Variants in FGFR1OP2 observed in about 807,000 individuals in gnomAD.
FGFR1OP2 encodes FGFR1 oncogene partner 2, also known as fibroblast growth factor receptor 1 oncogene partner 2.
FGFR1OP2 carries 17 observed loss-of-function variants against 35.2 expected under a neutral mutation model. The ratio of observed to expected loss-of-function variants is 0.48; its 90% confidence interval spans 0.33 to 0.73. FGFR1OP2 has a LOEUF of 0.73. FGFR1OP2 is among the 30% of genes least tolerant of loss of function. The pLI is 0.02. For missense variants in FGFR1OP2, 251 were observed against 307.3 expected, an observed-to-expected ratio of 0.82 and a Z score of 1.37; for synonymous variants, 105 against 104.6, an observed-to-expected ratio of 1.00 and a Z score of -0.03.
chr12:26,956,456 C>T (rs2136357165), intron 2 of FGFR1OP2, 87 bp from the exon 3 acceptor site: 1 of 273,766 alleles, frequency 3.7e-6, no homozygotes, highest in Non-Finnish European at 6.1e-6. Flanking sequence ...ATGTATATTT[C>T]AGATATATTT....
At chr12:26,952,402 C>G (rs1938947136) in intron 1 of FGFR1OP2, among the ~76,000 whole-genome samples, 1 of 151,930 alleles carries the variant, frequency 6.6e-6, no homozygotes, top group Non-Finnish European at 1.5e-5. Flanking sequence ...CTTTAATGGC[C>G]CTTTTACTCC....
At chr12:26,963,237 G>A in intron 5 of FGFR1OP2, 105 bp from the exon 6 acceptor site, 1 of 604,280 alleles carries the variant, frequency 1.7e-6, no homozygotes, top group Non-Finnish European at 2.9e-6. Flanking sequence ...AAGTGACAAT[G>A]TAAGAATATT....
Position 26,960,534 on chromosome 12 carries a change from A to G in FGFR1OP2, c.416A>G (p.Asn139Ser). Residue 139 changes from asparagine to serine, a missense_variant, in exon 5 of 7, where the codon AAC becomes AGC. Coordinates refer to ENST00000229395, the MANE Select transcript of FGFR1OP2 (RefSeq NM_015633.3). ...QHSKIDMVHRNKSEGFFLDAS... is the reference protein window; with the variant it reads ...QHSKIDMVHRSKSEGFFLDAS... ...CTACAGATTGACATGGTACATCGTA[A>G]CAAGTCCGAAGGATTCTTCCTTGAT... The G allele has an allele frequency of 4.3e-6, 7 of 1,613,084 alleles. No individual in the cohort carries two copies. The highest frequency in any genetic ancestry group is 5.9e-6 in the Non-Finnish European group (7 of 1,179,284).
chr12:26,947,422 T>G (rs1248401816), intron 1 of FGFR1OP2, among the ~76,000 whole-genome samples: 1 of 151,610 alleles, frequency 6.6e-6, no homozygotes, highest in Non-Finnish European at 1.5e-5. Context: ...TCCTTTTAAC[T>G]TTTTTTTTGG....
At chr12:26,942,499 C>T (rs764628108) in intron 1 of FGFR1OP2, among the ~76,000 whole-genome samples, 11 of 152,182 alleles carry the variant, frequency 7.2e-5, no homozygotes, top group Non-Finnish European at 1.6e-4. Flanking sequence ...CTCTAGGGTA[C>T]TCTAGAGATC....
intron 2 of FGFR1OP2, among the ~76,000 whole-genome samples, chr12:26,955,637 G>A (rs1441044235): frequency 1.3e-5 from 2 of 152,172 alleles, no homozygotes; most frequent in African/African-American, 4.8e-5. Context: ...CTATGTTATA[G>A]CATGTATCAG....
chr12:26,942,325 T>G (rs1196620230), intron 1 of FGFR1OP2, among the ~76,000 whole-genome samples: 3 of 152,104 alleles, frequency 2.0e-5, no homozygotes, highest in East Asian at 3.9e-4. Context: ...GCCACTCAGC[T>G]TTTTAGATTT....
intron 1 of FGFR1OP2, among the ~76,000 whole-genome samples, chr12:26,949,218 C>T (rs1415940954): frequency 6.6e-6 from 1 of 152,068 alleles, no homozygotes; most frequent in East Asian, 1.9e-4. Context: ...TCACTGCAAC[C>T]TCCACCTCCC....
intron 1 of FGFR1OP2, among the ~76,000 whole-genome samples, 182 bp from the exon 2 acceptor site, chr12:26,953,962 CT>C (rs1464995615): frequency 6.6e-6 from 1 of 152,138 alleles, no homozygotes; most frequent in African/African-American, 2.4e-5. Context: ...TATAAATTTA[CT>C]TTCAAGTTTG....
chr12:26,949,733 C>T (rs1371580955), intron 1 of FGFR1OP2, among the ~76,000 whole-genome samples: 2 of 151,818 alleles, frequency 1.3e-5, no homozygotes, highest in African/African-American at 2.4e-5. Context: ...CGCATGCCAC[C>T]ACACCCAGCT....
chr12:26,939,889 C>G (rs919033743), intron 1 of FGFR1OP2, among the ~76,000 whole-genome samples: 1 of 152,132 alleles, frequency 6.6e-6, no homozygotes, highest in Admixed American at 6.5e-5. Flanking sequence ...CCTTTAAAAT[C>G]ATAGAATTTT....
intron 1 of FGFR1OP2, among the ~76,000 whole-genome samples, chr12:26,939,497 G>A (rs1283057462): frequency 6.6e-6 from 1 of 152,072 alleles, no homozygotes; most frequent in Non-Finnish European, 1.5e-5. Flanking sequence ...AGACTATACT[G>A]GCTATTTCCC....
At position 26,956,018 on chromosome 12, in the gene FGFR1OP2, AT is replaced by A. The variant is rs57254536; in HGVS notation, c.136-513del. ...ACAAACTTTCTTAAAACATTATGAG[AT>A]TTTTTTTTTTTAAAAAAAAGCTCAT... On this transcript the variant is annotated intron_variant, in intron 2 of 6. Transcript: ENST00000229395. Among the ~76,000 whole-genome samples the A allele has an allele frequency of 8.4e-3, 1,248 of 148,568 alleles. 18 individuals carry two copies. The highest frequency in any genetic ancestry group is 0.027 in the African/African-American group (1,116 of 40,664).
intron 1 of FGFR1OP2, among the ~76,000 whole-genome samples, chr12:26,948,007 A>C (rs1443766247): frequency 6.6e-6 from 1 of 152,190 alleles, no homozygotes; most frequent in African/African-American, 2.4e-5. Context: ...GGGATTTATT[A>C]GGAATTACAA....
chr12:26,959,726 GTTAT>G (rs1018250324), intron 4 of FGFR1OP2, among the ~76,000 whole-genome samples: 4 of 152,144 alleles, frequency 2.6e-5, no homozygotes, highest in Admixed American at 6.5e-5. Context: ...TGACTATTCA[GTTAT>G]TTGTTATTAA....
Position 26,938,543 on chromosome 12 carries a change from T to A in FGFR1OP2, c.-182T>A, listed in dbSNP as rs1938618113. ...CGCCGGTGATGGCGTTGAACGCCAC[T>A]GGCTTCCCGGCCTTCCGTCCGCTGC... On this transcript the variant is annotated 5_prime_UTR_variant, in exon 1 of 7. Coordinates refer to ENST00000229395, the MANE Select transcript of FGFR1OP2 (RefSeq NM_015633.3). 1 of 152,252 alleles carries A rather than the reference T, an allele frequency of 6.6e-6. No homozygotes were observed. Among genetic ancestry groups the A allele is most frequent in the Non-Finnish European group, 1.5e-5 (1 of 68,068 alleles). The allele number at this position is 152,252 out of a possible 1,614,324, so 9.4% of individuals were successfully genotyped here.
In FGFR1OP2 at chr12:26,960,555, T is replaced by C. The variant is rs1469340670; in HGVS notation, c.437T>C (p.Leu146Pro). 9 of 1,613,520 alleles carry C rather than the reference T, an allele frequency of 5.6e-6. No individual in the cohort carries two copies. Among genetic ancestry groups the C allele is most frequent in the African/African-American group, 1.3e-5 (1 of 74,910 alleles). ...CGTAACAAGTCCGAAGGATTCTTCC[T>C]TGATGCATCTCGACACATCCTTGAA... is the stretch of plus-strand genomic sequence containing the variant. ...VHRNKSEGFF[L>P]DASRHILEAP... is the part of the protein sequence containing the mutation. Residue 146 changes from leucine to proline, a missense_variant, in exon 5 of 7, where the codon CTT (leucine) becomes CCT (proline). Coordinates refer to ENST00000229395, the MANE Select transcript of FGFR1OP2 (RefSeq NM_015633.3).
intron 1 of FGFR1OP2, among the ~76,000 whole-genome samples, chr12:26,950,287 A>G (rs1485664250): frequency 1.3e-4 from 16 of 125,560 alleles, no homozygotes; most frequent in African/African-American, 4.1e-4. Context: ...CAGTGGCACA[A>G]TCTCGGCTCA....
rs1376700944 is a variant in FGFR1OP2, at chr12:26,966,351, A to G, written c.*1618A>G. On this transcript the variant is annotated 3_prime_UTR_variant, in exon 7 of 7. Transcript: ENST00000229395. ...CTGCTAATAAAGGAAATCTATTTCA[A>G]GCTACACCATTGAGATTAAGTCTGA... 2 of 152,276 alleles carry G rather than the reference A, an allele frequency of 1.3e-5. No individual in the cohort carries two copies. The highest frequency in any genetic ancestry group is 4.8e-5 in the African/African-American group (2 of 41,580). The allele number at this position is 152,276 out of a possible 1,614,324, so 9.4% of individuals were successfully genotyped here. A position where few individuals can be genotyped will look rare whatever the true frequency, so the allele number is the denominator to read the frequency against.
Sources: allele counts gnomAD v4.1 joint callset (sites outside exome capture counted in the v4.1 genomes callset), GRCh38; gene constraint gnomAD v4.1.1; transcripts MANE v1.5; gene names NCBI Gene and HGNC (gene_info 2026-07-23, HGNC 2026-07-21).